The following COLEC10 variants were observed in gnomAD, a reference collection of about 807,000 sequenced individuals.
The protein encoded by COLEC10 is collectin subfamily member 10, also known as collectin-10.
COLEC10 carries 22 observed loss-of-function variants against 28.4 expected under a neutral mutation model. The ratio of observed to expected loss-of-function variants is 0.78; its 90% CI spans 0.55 to 1.11. COLEC10 has a LOEUF of 1.11. Among genes scored for constraint, COLEC10 ranks in the 50% least tolerant of loss-of-function variants. The pLI is 0.00. For missense variants in COLEC10, 361 were observed against 344.1 expected (o/e 1.05, Z -0.39); for synonymous variants, 125 against 116.1 (o/e 1.08, Z -0.49).
chr8:118,962,076 A>G, the COLEC10 span, among the ~76,000 whole-genome samples: 9 of 152,262 alleles, frequency 5.9e-5, no homozygotes, highest in Non-Finnish European at 8.8e-5. Context: ...AATTTCTGGC[A>G]CCCATACAAA....
At chr8:118,989,554 C>CACACAA in the COLEC10 span, among the ~76,000 whole-genome samples, 2 of 149,316 alleles carry the variant, frequency 1.3e-5, no homozygotes, top group African/African-American at 5.0e-5. Flanking sequence ...CACACACACA[C>CACACAA]ACACACACAC....
upstream of COLEC10, among the ~76,000 whole-genome samples, chr8:119,066,263 T>C (rs1411207751): frequency 6.6e-6 from 1 of 152,216 alleles, no homozygotes; most frequent in East Asian, 1.9e-4. Context: ...CTCTCCAATA[T>C]ATGTGATTCT....
At chr8:119,041,387 G>A (rs7017992) in intron 2 of COLEC10, among the ~76,000 whole-genome samples, 2,206 of 152,182 alleles carry the variant, frequency 0.014, 48 homozygotes, top group African/African-American at 0.051. Flanking sequence ...TGATTTAGTA[G>A]CAAAATGATA....
upstream of COLEC10, among the ~76,000 whole-genome samples, chr8:118,994,137 T>C (rs191253988): frequency 1.1e-4 from 16 of 152,290 alleles, no homozygotes; most frequent in East Asian, 3.1e-3. Flanking sequence ...CTTTTTACAT[T>C]CCTCCCATCT....
intron 2 of COLEC10, among the ~76,000 whole-genome samples, chr8:119,055,966 C>A (rs943044870): frequency 9.2e-5 from 14 of 151,952 alleles, no homozygotes; most frequent in Non-Finnish European, 1.9e-4. Flanking sequence ...TTTTTTTGAG[C>A]CAACAGACAC....
upstream of COLEC10, among the ~76,000 whole-genome samples, chr8:118,991,825 T>C (rs543153337): frequency 2.0e-3 from 275 of 137,222 alleles, 1 homozygote; most frequent in African/African-American, 7.7e-3. Context: ...TGAGATAAAT[T>C]ATATTTATAT....
the COLEC10 span, among the ~76,000 whole-genome samples, chr8:118,977,734 C>T: frequency 2.1e-5 from 3 of 143,602 alleles, no homozygotes; most frequent in Non-Finnish European, 4.5e-5. Flanking sequence ...TACCCTAAAA[C>T]TTAAAGTATA....
intron 2 of COLEC10, among the ~76,000 whole-genome samples, chr8:119,044,653 G>A (rs533653166): frequency 3.8e-4 from 58 of 152,092 alleles, no homozygotes; most frequent in African/African-American, 1.3e-3. Context: ...CCAGGAGTTC[G>A]AAACCAGCCT....
the COLEC10 span, among the ~76,000 whole-genome samples, chr8:118,962,973 C>T: frequency 6.6e-6 from 1 of 152,128 alleles, no homozygotes; most frequent in African/African-American, 2.4e-5. Flanking sequence ...TCTGGGTTTT[C>T]ACGTTCAAGG....
chr8:119,008,489 T>TG (rs143409604), intron 1 of COLEC10, among the ~76,000 whole-genome samples: 1,796 of 150,048 alleles, frequency 0.012, 150 homozygotes, highest in African/African-American at 0.043. Flanking sequence ...TATTTTTTTT[T>TG]TTGCCATCGG....
chr8:119,038,949 T>C (rs993970328), intron 2 of COLEC10, among the ~76,000 whole-genome samples: 1 of 152,108 alleles, frequency 6.6e-6, no homozygotes, highest in African/African-American at 2.4e-5. Context: ...CTATTATACA[T>C]AGAATTACAA....
At chr8:119,074,459 G>A (rs1162391678) in intron 1 of COLEC10, among the ~76,000 whole-genome samples, 2 of 151,996 alleles carry the variant, frequency 1.3e-5, no homozygotes, top group South Asian at 2.1e-4. Context: ...AAATACAATG[G>A]AGATCATATT....
intron 2 of COLEC10, among the ~76,000 whole-genome samples, chr8:119,030,196 C>A (rs1814262929): frequency 6.6e-6 from 1 of 152,048 alleles, no homozygotes; most frequent in South Asian, 2.1e-4. Context: ...TTGTAAAAGA[C>A]TTTTATAGGA....
rs796100219 is a variant in COLEC10, at chr8:119,012,323, C to T, written n.235+2770C>T. Among the ~76,000 whole-genome samples the T allele has an allele frequency of 1.3e-4, 20 of 150,660 alleles. 2 individuals are homozygous for T. The highest frequency in any genetic ancestry group is 4.2e-4 in the African/African-American group (17 of 40,410). On this transcript the variant is annotated intron_variant and non_coding_transcript_variant, in intron 2 of 6. Transcript: ENST00000521788. ...TTGCATACCTGGGATAAACTCAACACGGTTATGGTGTATCATTCTTTTTAT... is the reference window on the plus strand; with the variant it reads ...TTGCATACCTGGGATAAACTCAACATGGTTATGGTGTATCATTCTTTTTAT...
chr8:119,101,768 T>C (rs1815832159), intron 3 of COLEC10, among the ~76,000 whole-genome samples: 1 of 152,162 alleles, frequency 6.6e-6, no homozygotes, highest in African/African-American at 2.4e-5. Flanking sequence ...TTTGTCTAAT[T>C]AAGTTGAAAA....
rs78031870 is a variant in COLEC10 at position 119,093,346 on chromosome 8, G to A, written c.292+2126G>A. ...TCCCTTCAGCCTGCATTCGGAGGCA[G>A]GGATGAAGGGCAGTGCCACTGAAGA... On this transcript the variant is annotated intron_variant, in intron 3 of 5. Transcript: ENST00000332843. Among the ~76,000 whole-genome samples, 874 of 152,326 alleles carry A rather than the reference G, an allele frequency of 5.7e-3. 7 individuals carry two copies. Among genetic ancestry groups the A allele is most frequent in the Non-Finnish European group, 9.6e-3 (656 of 68,028 alleles).
intron 3 of COLEC10, among the ~76,000 whole-genome samples, chr8:119,095,227 T>A (rs950064593): frequency 1.3e-5 from 2 of 152,078 alleles, no homozygotes; most frequent in African/African-American, 4.8e-5. Context: ...AGTAAATATG[T>A]AAAAATAAAT....
intron 5 of COLEC10, among the ~76,000 whole-genome samples, chr8:119,104,434 C>A (rs1381722802): frequency 6.6e-6 from 1 of 152,110 alleles, no homozygotes; most frequent in Non-Finnish European, 1.5e-5. Context: ...ACTCCTCTAT[C>A]CACAATACAA....
intron 2 of COLEC10, among the ~76,000 whole-genome samples, chr8:119,015,877 A>T (rs1433054420): frequency 6.6e-6 from 1 of 152,156 alleles, no homozygotes; most frequent in Non-Finnish European, 1.5e-5. Context: ...GCTTTGCTTT[A>T]TATATTGGTT....
Sources: allele counts gnomAD v4.1 joint callset (sites outside exome capture counted in the v4.1 genomes callset), GRCh38; gene constraint gnomAD v4.1.1; transcripts MANE v1.5; gene names NCBI Gene and HGNC (gene_info 2026-07-23, HGNC 2026-07-21).